PREX1: variants seen among roughly 807,000 people sequenced by gnomAD.
PREX1 encodes the protein phosphatidylinositol 3,4,5-trisphosphate-dependent Rac exchanger 1 protein.
Under a neutral mutation model 198.3 loss-of-function variants are expected in PREX1, and 41 were observed. That is an observed-to-expected ratio of 0.21 (90% confidence interval 0.16 to 0.27). The LOEUF (loss-of-function observed/expected upper bound fraction) is 0.27. PREX1 is among the 10% of genes least tolerant of loss of function. The pLI, the probability that PREX1 is intolerant of heterozygous loss-of-function variation, is 1.00. For synonymous variants in PREX1, 843 were observed against 887.2 expected (o/e 0.95, Z 0.89); for missense variants, 1,620 against 2,200.7 (o/e 0.74, Z 5.28).
At chr20:48,706,287 T>C (rs1030485151) in intron 6 of PREX1, among the ~76,000 whole-genome samples, 6 of 152,212 alleles carry the variant, frequency 3.9e-5, no homozygotes, top group Admixed American at 3.3e-4. Context: ...GTGAGAAATT[T>C]CTTTTCCAAC....
At chr20:48,639,993 CA>C in intron 29 of PREX1, 99 bp from the exon 30 acceptor site, 1 of 1,454,002 alleles carries the variant, frequency 6.9e-7, no homozygotes, top group Non-Finnish European at 9.4e-7. Context: ...TCCCAGAGCT[CA>C]TAATCCTAGA....
At chr20:48,787,375 A>G (rs1278105625) in intron 1 of PREX1, among the ~76,000 whole-genome samples, 1 of 147,474 alleles carries the variant, frequency 6.8e-6, no homozygotes. Context: ...TAAACAAACA[A>G]AAAAAAAAAA....
chr20:48,734,657 G>T lies in PREX1; in HGVS notation c.415-7C>A, dbSNP rs747381533. 6.2e-7 allele frequency: 1 copy of T among 1,612,756 alleles called. No homozygotes were observed. Among genetic ancestry groups the T allele is most frequent in the South Asian group, 1.1e-5 (1 of 91,050 alleles). ...ACACGCAGAACTTGTCCTTCTGCAA[G>T]ACAAGGACAGAGCCTGTGGGAGGCA... On this transcript the variant is annotated splice_polypyrimidine_tract_variant and splice_region_variant and intron_variant, in intron 3 of 39. Coordinates refer to ENST00000371941, the MANE Select transcript of PREX1 (RefSeq NM_020820.4).
the PREX1 span, among the ~76,000 whole-genome samples, chr20:48,834,048 C>A: frequency 6.6e-6 from 1 of 151,424 alleles, no homozygotes; most frequent in Non-Finnish European, 1.5e-5. Flanking sequence ...GAGATAGCGC[C>A]ACTGCATTCC....
rs1453828211 is a variant in PREX1, at chr20:48,726,302, C to A, written c.609G>T (p.Pro203=). ...LSPIQRICKY[P]LLLKELAKRT... Reference sequence around the variant, plus strand: ...GGGAAAGTCTCACCTTAAGGAGGAGCGGGTACTTGCAGATCCTCTGGATCG... The same window carrying A: ...GGGAAAGTCTCACCTTAAGGAGGAGAGGGTACTTGCAGATCCTCTGGATCG... Residue 203 remains proline (P), a synonymous_variant, in exon 5 of 40, where the codon CCG becomes CCT. Transcript: ENST00000371941. The A allele has an allele frequency of 1.2e-6, 2 of 1,613,334 alleles. No individual in the cohort carries two copies. The highest frequency in any genetic ancestry group is 1.7e-6 in the Non-Finnish European group (2 of 1,179,578).
the PREX1 span, among the ~76,000 whole-genome samples, chr20:48,883,866 C>T: frequency 5.9e-5 from 9 of 152,040 alleles, no homozygotes; most frequent in South Asian, 2.1e-4. Flanking sequence ...TGGGGCCGGG[C>T]GCAGTGGCTC....
At chr20:48,810,465 T>C (rs2090428922) in intron 1 of PREX1, among the ~76,000 whole-genome samples, 1 of 151,302 alleles carries the variant, frequency 6.6e-6, no homozygotes, top group South Asian at 2.1e-4. Context: ...ACACCTGTAG[T>C]TACAGCTACT....
intron 1 of PREX1, among the ~76,000 whole-genome samples, chr20:48,795,473 TGAG>T (rs960381388): frequency 6.8e-6 from 1 of 146,186 alleles, no homozygotes; most frequent in Non-Finnish European, 1.5e-5. Flanking sequence ...TTGTCACAAC[TGAG>T]GAGGAGGGTG....
At chr20:48,690,454 T>A (rs1421904987) in intron 9 of PREX1, among the ~76,000 whole-genome samples, 1 of 152,082 alleles carries the variant, frequency 6.6e-6, no homozygotes, top group Non-Finnish European at 1.5e-5. Flanking sequence ...AACAGCCCGG[T>A]GCCTCCACAC....
Position 48,789,073 on chromosome 20 carries a change from T to C in PREX1, c.219+38569A>G, listed in dbSNP as rs79225361. The stretch of plus-strand genomic sequence containing the variant: ...GTATTCTGTTATGAGCAACAGAAGA[T>C]AGACTAAGACACTCACTCACACATT... On this transcript the variant is annotated intron_variant, in intron 1 of 39. Coordinates refer to ENST00000371941, the MANE Select transcript of PREX1 (RefSeq NM_020820.4). 2.1e-3 allele frequency among the ~76,000 whole-genome samples: 315 copies of C among 152,328 alleles called. 4 individuals carry two copies. The East Asian group carries it at 0.055, about 27-fold the overall frequency.
intron 14 of PREX1, among the ~76,000 whole-genome samples, chr20:48,675,961 T>C (rs541510627): frequency 5.6e-4 from 85 of 151,214 alleles, no homozygotes; most frequent in Non-Finnish European, 5.3e-4. Flanking sequence ...TGCTTGAACC[T>C]GGGAGGCGGA....
chr20:48,828,206 C>T (rs951986499), upstream of PREX1, among the ~76,000 whole-genome samples: 1 of 151,146 alleles, frequency 6.6e-6, no homozygotes, highest in African/African-American at 2.4e-5. Context: ...TCGGCGCCTC[C>T]GTCGGAAGCT....
At chr20:48,734,374 C>T (rs1343558663) in intron 4 of PREX1, among the ~76,000 whole-genome samples, 172 bp downstream of exon 4, 1 of 152,170 alleles carries the variant, frequency 6.6e-6, no homozygotes, top group Non-Finnish European at 1.5e-5. Flanking sequence ...CAAAAATATT[C>T]CCCAGCTGGC....
At chr20:48,661,135 G>A (rs969990722) in intron 15 of PREX1, among the ~76,000 whole-genome samples, 26 of 151,934 alleles carry the variant, frequency 1.7e-4, no homozygotes, top group Non-Finnish European at 3.1e-4. Flanking sequence ...ATATACTGAC[G>A]CCGGCCAGAG....
intron 1 of PREX1, among the ~76,000 whole-genome samples, chr20:48,776,978 C>T (rs2426101): frequency 0.4 from 60,253 of 151,986 alleles, 12,224 homozygotes; most frequent in Admixed American, 0.44. Flanking sequence ...CAACACCCTG[C>T]GATGTGCGAA....
chr20:48,818,413 C>G (rs576228141), intron 1 of PREX1, among the ~76,000 whole-genome samples: 1 of 152,172 alleles, frequency 6.6e-6, no homozygotes. Flanking sequence ...AGGTCTTGTG[C>G]GACATTCCAG....
chr20:48,710,628 G>T (rs73911642), intron 5 of PREX1, among the ~76,000 whole-genome samples: 1 of 152,140 alleles, frequency 6.6e-6, no homozygotes, highest in Non-Finnish European at 1.5e-5. Flanking sequence ...TGCTATTTAC[G>T]ACTTTTCAGA....
intron 1 of PREX1, among the ~76,000 whole-genome samples, chr20:48,767,487 G>C (rs2090214160): frequency 1.3e-5 from 2 of 152,070 alleles, no homozygotes; most frequent in African/African-American, 4.8e-5. Context: ...GCGGGGGAGG[G>C]TACGTGGGCC....
intron 1 of PREX1, among the ~76,000 whole-genome samples, chr20:48,783,790 C>A (rs752719661): frequency 1.1e-4 from 16 of 152,314 alleles, no homozygotes; most frequent in South Asian, 4.1e-4. Flanking sequence ...CACTTCACCA[C>A]TACCTGTTAC....
Sources: gnomAD v4.1 joint callset for allele counts (sites outside exome capture counted in the v4.1 genomes callset) on GRCh38, gnomAD v4.1.1 for gene constraint, MANE v1.5 for transcripts, NCBI Gene and HGNC (gene_info 2026-07-23, HGNC 2026-07-21) for gene names.